CAND2: variants seen among roughly 807,000 people sequenced by gnomAD.
The protein encoded by CAND2 is cullin-associated NEDD8-dissociated protein 2.
CAND2 carries 62 observed loss-of-function variants against 98.9 expected under a neutral mutation model. The observed-to-expected ratio is 0.63, with a 90% CI of 0.51 to 0.77. The LOEUF (loss-of-function observed/expected upper bound fraction) is 0.77, where lower values mean the gene tolerates loss of function less well. Ranked by LOEUF, CAND2 falls within the 30% of genes least tolerant of loss-of-function variation. The pLI, the probability that CAND2 is intolerant of heterozygous loss-of-function variation, is 0.00. For synonymous variants in CAND2, 770 were observed against 731.9 expected (o/e 1.05, Z -0.84); for missense variants, 1,501 against 1,655.2 (o/e 0.91, Z 1.62).
chr3:12,808,907 A>G (rs1345799275), intron 4 of CAND2, among the ~76,000 whole-genome samples: 4 of 152,062 alleles, frequency 2.6e-5, no homozygotes, highest in African/African-American at 4.8e-5. Flanking sequence ...GCAGGCTGTA[A>G]TGTGGAGAGG....
Position 12,815,787 on chromosome 3 carries a change from TG to T in CAND2, c.1300-78del. On this transcript the variant is annotated intron_variant, in intron 8 of 14. Coordinates refer to ENST00000456430, the MANE Select transcript of CAND2 (RefSeq NM_001162499.2). This position sits in a 1 kb window ranked among gnomAD's most constrained non-coding sequence, Gnocchi z 5.7. ...CCGACATCCTCCCTGGGGATGTGTC[TG>T]GCAAAGCCTCCTGGTAGTGGGCAGG... The T allele has an allele frequency of 7.2e-7, 1 of 1,395,150 alleles. No homozygotes were observed. The highest frequency in any genetic ancestry group is 9.9e-7 in the Non-Finnish European group (1 of 1,005,648). 86.4% of individuals were successfully genotyped at this position (1,395,150 alleles called of 1,614,324 possible).
At chr3:12,801,958 A>C (rs563224042) in intron 1 of CAND2, among the ~76,000 whole-genome samples, 1 of 152,344 alleles carries the variant, frequency 6.6e-6, no homozygotes, top group South Asian at 2.1e-4. Context: ...GGGAGTGGAC[A>C]GGGCTCGCCC....
At chr3:12,812,221 C>CTGTTTTTTTTTTTTTTTTTTTTTTTT (rs2061857130) in intron 5 of CAND2, among the ~76,000 whole-genome samples, 1 of 74,514 alleles carries the variant, frequency 1.3e-5, no homozygotes, top group Admixed American at 1.5e-4. Context: ...AGCTGTTTAT[C>CTGTTTTTTTTTTTTTTTTTTTTTTTT]TTTTTTTTTT....
intron 1 of CAND2, among the ~76,000 whole-genome samples, chr3:12,802,308 C>G (rs573091204): frequency 2.0e-5 from 3 of 152,158 alleles, no homozygotes; most frequent in African/African-American, 7.2e-5. Context: ...GCCTGGGCAA[C>G]AGAGCAAGAC....
chr3:12,826,587 C>T (rs1044348995), intron 12 of CAND2, among the ~76,000 whole-genome samples: 1 of 152,028 alleles, frequency 6.6e-6, no homozygotes, highest in African/African-American at 2.4e-5. Flanking sequence ...ACCACCACAC[C>T]TAGCTAATAT....
At position 12,815,571 on chromosome 3, in the gene CAND2, G is replaced by T. The variant is rs567274131; in HGVS notation, c.1299+138G>T. 3.2e-4 allele frequency: 280 copies of T among 875,842 alleles called. 3 individuals carry two copies. The African/African-American group carries it at 4.2e-3, about 13-fold the overall frequency. 54.3% of individuals were successfully genotyped at this position (875,842 alleles called of 1,614,324 possible). A position where few individuals can be genotyped will look rare whatever the true frequency, so the allele number is the denominator to read the frequency against. ...AGGGAAGGGGTCCCTGGGGTGGGGG[G>T]CGGGAGCCAGCCAGGCTTCTGGAGT... On this transcript the variant is annotated intron_variant, in intron 8 of 14. Transcript: ENST00000456430. This position sits in a 1 kb window ranked among gnomAD's most constrained non-coding sequence, Gnocchi z 5.7.
At position 12,816,556 on chromosome 3, in the gene CAND2, C is replaced by T. The variant is rs1157022748; in HGVS notation, c.1624C>T (p.Leu542=). 1.2e-6 allele frequency: 2 copies of T among 1,613,968 alleles called. No individual in the cohort carries two copies. The highest frequency in any genetic ancestry group is 2.2e-5 in the South Asian group (2 of 91,078). Residue 542 remains leucine (L), a synonymous_variant, in exon 10 of 15, where the codon CTG becomes TTG. Coordinates refer to ENST00000456430, the MANE Select transcript of CAND2 (RefSeq NM_001162499.2). The part of the protein sequence containing the change: ...DSFYKIAAEA[L]VVLQELVRAL... Reference sequence around the variant, plus strand: ...TTTCTACAAGATTGCAGCCGAGGCCCTGGTGGTGCTGCAGGAGCTGGTGCG... The same window carrying T: ...TTTCTACAAGATTGCAGCCGAGGCCTTGGTGGTGCTGCAGGAGCTGGTGCG...
chr3:12,817,269 C>T lies in CAND2; in HGVS notation c.2337C>T (p.Ser779=). The T allele has an allele frequency of 6.2e-7, 1 of 1,614,014 alleles. No homozygotes were observed. The highest frequency in any genetic ancestry group is 8.5e-7 in the Non-Finnish European group (1 of 1,180,050). ...GTGTGGACTATGCCAAACTCATCAGCCTGCTCACTGCGCCTGTTTATGAGC... is the reference window on the plus strand; with the variant it reads ...GTGTGGACTATGCCAAACTCATCAGTCTGCTCACTGCGCCTGTTTATGAGC... ...PPCVDYAKLI[S]LLTAPVYEQA... Residue 779 remains serine, a synonymous_variant, in exon 10 of 15, where the codon AGC becomes AGT. Coordinates refer to ENST00000456430, the MANE Select transcript of CAND2 (RefSeq NM_001162499.2).
At position 12,813,010 on chromosome 3, in the gene CAND2, G is replaced by C. The variant is rs1326022578; in HGVS notation, c.778G>C (p.Val260Leu). 1.3e-6 allele frequency: 2 copies of C among 1,577,084 alleles called. No individual in the cohort carries two copies. The change falls in exon 6 of 15, where the codon GTG (valine) becomes CTG (leucine). Residue 260 changes from valine to leucine, a missense_variant. By Grantham distance (32) the Val-to-Leu change is conservative. Coordinates refer to ENST00000456430, the MANE Select transcript of CAND2 (RefSeq NM_001162499.2). ...TGCAGGGGCTCACCTGGACCGCCTG[G>C]TGCCCCTGGTGGAGGATTTCTGCAA... ...HRLGAHLDRL[V>L]PLVEDFCNLD...
rs2061824122 is a variant in CAND2, at chr3:12,808,428, C to G, written c.491+95C>G. On this transcript the variant is annotated intron_variant, in intron 4 of 14. Coordinates refer to ENST00000456430, the MANE Select transcript of CAND2 (RefSeq NM_001162499.2). ...AGCTAGCACCTACTGCACACCAGGCCCTGTGCTTGGGGCTCCTTAATCATC... is the reference window on the plus strand; with the variant it reads ...AGCTAGCACCTACTGCACACCAGGCGCTGTGCTTGGGGCTCCTTAATCATC... 4.4e-5 allele frequency: 61 copies of G among 1,374,056 alleles called. 1 individual carries two copies. The South Asian group carries it at 7.9e-4, about 18-fold the overall frequency. 85.1% of individuals were successfully genotyped at this position (1,374,056 alleles called of 1,614,324 possible).
Position 12,817,235 on chromosome 3 carries a change from GT to G in CAND2, c.2304del (p.Pro770ArgfsTer93). On this transcript the variant is annotated frameshift_variant, in exon 10 of 15. Coordinates refer to ENST00000456430, the MANE Select transcript of CAND2 (RefSeq NM_001162499.2). LOFTEE classifies it high-confidence loss of function. ...EGFLQALVGT[R>X]PPCVDYAKLI... ...TTCCTGCAGGCCCTGGTAGGGACCC[GT>G]CCCCCGTGTGTGGACTATGCCAAAC... 6.2e-7 allele frequency: 1 copy of G among 1,613,796 alleles called. No individual in the cohort carries two copies.
chr3:12,822,275 A>G (rs1575778124), intron 11 of CAND2, among the ~76,000 whole-genome samples: 1 of 140,274 alleles, frequency 7.1e-6, no homozygotes. Context: ...GCTGGTTCCT[A>G]TTTTTTATTG....
chr3:12,802,586 T>C (rs1415103818), intron 1 of CAND2, among the ~76,000 whole-genome samples: 1 of 152,244 alleles, frequency 6.6e-6, no homozygotes, highest in South Asian at 2.1e-4. Flanking sequence ...TGAAACATTA[T>C]GCATTTAGCC....
chr3:12,831,568 C>T lies in CAND2; in HGVS notation c.3479C>T (p.Ala1160Val). 6.2e-7 allele frequency: 1 copy of T among 1,609,780 alleles called. No individual in the cohort carries two copies. Among genetic ancestry groups the T allele is most frequent in the Non-Finnish European group, 8.5e-7 (1 of 1,177,324 alleles). ...LIEPLRATCTAKVKAGSVKQE... is the reference protein window; with the variant it reads ...LIEPLRATCTVKVKAGSVKQE... ...GAGCCACTAAGGGCCACCTGCACTGCCAAGGTAAGTCCCTGGCCCAGCCCT... is the reference window on the plus strand; with the variant it reads ...GAGCCACTAAGGGCCACCTGCACTGTCAAGGTAAGTCCCTGGCCCAGCCCT... Residue 1160 changes from alanine to valine, a missense_variant, in exon 14 of 15, where the codon GCC (alanine) becomes GTC (valine). Ala to Val is a moderately conservative substitution (Grantham distance 64). Transcript: ENST00000456430.
chr3:12,832,301 T>A (rs771485383), intron 14 of CAND2: 1 of 152,204 alleles, frequency 6.6e-6, no homozygotes, highest in African/African-American at 2.4e-5. Context: ...ATATGCTTAT[T>A]ATTGAGTCCA....
Position 12,817,766 on chromosome 3 carries a change from G to T in CAND2, c.2834G>T (p.Cys945Phe), listed in dbSNP as rs756294999. 1.3e-6 allele frequency: 2 copies of T among 1,559,858 alleles called. No individual in the cohort carries two copies. Among genetic ancestry groups the T allele is most frequent in the South Asian group, 1.2e-5 (1 of 81,340 alleles). Residue 945 changes from cysteine (C) to phenylalanine (F), a missense_variant, in exon 10 of 15, where the codon TGC becomes TTC. By Grantham distance (205) the Cys-to-Phe change is radical. This residue lies in a region of CAND2 where 1,427 missense variants were observed against 1,545.3 expected (regional missense o/e 0.92). Coordinates refer to ENST00000456430, the MANE Select transcript of CAND2 (RefSeq NM_001162499.2). ...ATCTGGGCCTTGCTGTTCCAGCGCT[G>T]CGAGGGTGCTGAGGAGGGCACCCGG... ...EDIWALLFQR[C>F]EGAEEGTRGV... is the part of the protein sequence containing the mutation.
In CAND2 at chr3:12,834,711, C is replaced by T. The variant is rs572254406; in HGVS notation, c.*729C>T. ...CTTCTGAGGAAGGTTTCAAATGTGT[C>T]TAGTGTTCAGTATTGAGGACAAAGA... is the stretch of plus-strand genomic sequence containing the variant. On this transcript the variant is annotated 3_prime_UTR_variant, in exon 15 of 15. Transcript: ENST00000456430. 1 of 152,408 alleles carries T rather than the reference C, an allele frequency of 6.6e-6. No individual in the cohort carries two copies. The highest frequency in any genetic ancestry group is 2.4e-5 in the African/African-American group (1 of 41,584). The allele number at this position is 152,408 out of a possible 1,614,324, so 9.4% of individuals were successfully genotyped here.
At chr3:12,803,231 A>G (rs554975721) in intron 1 of CAND2, among the ~76,000 whole-genome samples, 91 of 152,228 alleles carry the variant, frequency 6.0e-4, no homozygotes, top group African/African-American at 2.0e-3. Context: ...TGACCTCGTG[A>G]TCTGCCCACC....
Position 12,817,128 on chromosome 3 carries a change from C to G in CAND2, c.2196C>G (p.Val732=). The G allele has an allele frequency of 6.2e-7, 1 of 1,613,042 alleles. No homozygotes were observed. Among genetic ancestry groups the G allele is most frequent in the Non-Finnish European group, 8.5e-7 (1 of 1,179,986 alleles). ...TQAQPASLVE[V]SGPVLSELLR... ...CCCAGCCAGCCTCTTTGGTGGAGGT[C>G]AGTGGCCCTGTGCTCTCAGAGCTGC... The change falls in exon 10 of 15, where the codon GTC becomes GTG. Residue 732 remains valine (V), a synonymous_variant. Coordinates refer to ENST00000456430, the MANE Select transcript of CAND2 (RefSeq NM_001162499.2).
Sources: allele counts gnomAD v4.1 joint callset (sites outside exome capture counted in the v4.1 genomes callset), GRCh38; gene constraint gnomAD v4.1.1; regional missense constraint gnomAD v4.1.1; non-coding constraint Gnocchi (gnomAD v3.1); transcripts MANE v1.5; gene names NCBI Gene and HGNC (gene_info 2026-07-23, HGNC 2026-07-21).